Variants in ROR2 observed in about 807,000 individuals in gnomAD.
The protein encoded by ROR2 is ROR family WNT receptor 2.
A neutral mutation model predicts 74.9 loss-of-function variants in ROR2; 33 were observed. The observed-to-expected ratio is 0.44, with a 90% CI of 0.33 to 0.59. ROR2 has a LOEUF of 0.59. Ranked by LOEUF, ROR2 falls within the 20% of genes least tolerant of loss-of-function variation. The probability of loss-of-function intolerance (pLI) is 0.02; values close to 1 mark genes in which losing one functional copy is unlikely to be tolerated. For synonymous variants in ROR2, 586 were observed against 558.7 expected, an observed-to-expected ratio of 1.05 and a Z score of -0.69; for missense variants, 1,216 against 1,313.8, an observed-to-expected ratio of 0.93 and a Z score of 1.15.
intron 1 of ROR2, among the ~76,000 whole-genome samples, chr9:91,862,716 A>T (rs1829507409): frequency 6.6e-6 from 1 of 152,194 alleles, no homozygotes; most frequent in Admixed American, 6.5e-5. Context: ...ACCCTCCACC[A>T]TGTGAGGACA....
intron 4 of ROR2, among the ~76,000 whole-genome samples, chr9:91,747,350 C>T (rs775497407): frequency 2.0e-5 from 3 of 152,242 alleles, no homozygotes; most frequent in Non-Finnish European, 4.4e-5. Flanking sequence ...AAGCTTTAGT[C>T]CCACACATCA....
At chr9:91,848,992 A>G (rs570804778) in intron 1 of ROR2, among the ~76,000 whole-genome samples, 1 of 152,306 alleles carries the variant, frequency 6.6e-6, no homozygotes, top group South Asian at 2.1e-4. Flanking sequence ...CAGTGAGTCT[A>G]CAGGGAAACA....
rs770190188 is a variant in ROR2 at position 91,724,495 on chromosome 9, C to G, written c.1999G>C (p.Gly667Arg). ...ATGTCTGAGTCGATGGAGAACTTGCCGTACATGATGGCCTCTGGGGCCATC... is the reference window on the plus strand; with the variant it reads ...ATGTCTGAGTCGATGGAGAACTTGCGGTACATGATGGCCTCTGGGGCCATC... ...RWMAPEAIMYGKFSIDSDIWS... is the reference protein window; with the variant it reads ...RWMAPEAIMYRKFSIDSDIWS... The change falls in exon 9 of 9, where the codon GGC becomes CGC. Residue 667 changes from glycine to arginine, a missense_variant. Gly to Arg is a moderately radical substitution (Grantham distance 125, BLOSUM62 -2). Coordinates refer to ENST00000375708, the MANE Select transcript of ROR2 (RefSeq NM_004560.4). The G allele has an allele frequency of 6.2e-7, 1 of 1,614,190 alleles. No individual in the cohort carries two copies. Among genetic ancestry groups the G allele is most frequent in the South Asian group, 1.1e-5 (1 of 91,082 alleles).
At chr9:91,762,422 A>G (rs928646066) in intron 2 of ROR2, among the ~76,000 whole-genome samples, 2 of 152,202 alleles carry the variant, frequency 1.3e-5, no homozygotes, top group African/African-American at 4.8e-5. Flanking sequence ...TTCAAAATTC[A>G]TATCTCCCAT....
At chr9:91,795,475 A>C (rs1490699127) in intron 1 of ROR2, among the ~76,000 whole-genome samples, 1 of 152,220 alleles carries the variant, frequency 6.6e-6, no homozygotes, top group African/African-American at 2.4e-5. Flanking sequence ...TTTTTCTTTA[A>C]ACTAATGGAT....
intron 1 of ROR2, among the ~76,000 whole-genome samples, chr9:91,907,938 A>T (rs770332592): frequency 1.2e-4 from 18 of 152,196 alleles, no homozygotes; most frequent in Non-Finnish European, 2.5e-4. Flanking sequence ...GGCACAGGGC[A>T]AGGGGCCAGA....
Position 91,905,861 on chromosome 9 carries a change from TG to T in ROR2, c.97+44005del, listed in dbSNP as rs554272339. 2.0e-3 allele frequency among the ~76,000 whole-genome samples: 302 copies of T among 152,096 alleles called. 2 individuals are homozygous for T. Among genetic ancestry groups the T allele is most frequent in the Non-Finnish European group, 2.9e-3 (199 of 67,990 alleles). On this transcript the variant is annotated intron_variant, in intron 1 of 8. Transcript: ENST00000375708. This position sits in a 1 kb window ranked among gnomAD's most constrained non-coding sequence, Gnocchi z 5.3. ...TAAGAGCTAAGAGCAGAGCCTCTCC[TG>T]GGGAATTCTTGATCCCAGTGGAAGA... is the stretch of plus-strand genomic sequence containing the variant.
intron 1 of ROR2, among the ~76,000 whole-genome samples, chr9:91,946,289 C>T (rs1400334038): frequency 6.6e-6 from 1 of 152,186 alleles, no homozygotes; most frequent in Non-Finnish European, 1.5e-5. Flanking sequence ...CCACGGGGCT[C>T]CCAAAAAGGA....
chr9:91,924,428 T>C (rs564301485), intron 1 of ROR2, among the ~76,000 whole-genome samples: 6 of 152,322 alleles, frequency 3.9e-5, no homozygotes, highest in South Asian at 2.1e-4. Flanking sequence ...AGGCCCTCTA[T>C]GGGAATCACA....
chr9:91,926,784 C>A (rs527675353), intron 1 of ROR2, among the ~76,000 whole-genome samples: 2 of 151,988 alleles, frequency 1.3e-5, no homozygotes, highest in Admixed American at 1.3e-4. Context: ...AGGTCCCCAG[C>A]GTAGTCAAAT....
At chr9:91,897,653 A>T (rs993838488) in intron 1 of ROR2, among the ~76,000 whole-genome samples, 1 of 152,146 alleles carries the variant, frequency 6.6e-6, no homozygotes, top group Non-Finnish European at 1.5e-5. Context: ...GGAGCAGAAG[A>T]CAGGTGGGCT....
At chr9:91,737,026 AGAGT>A (rs954804133) in intron 5 of ROR2, among the ~76,000 whole-genome samples, 3 of 152,234 alleles carry the variant, frequency 2.0e-5, no homozygotes, top group African/African-American at 7.2e-5. Context: ...GAAGTCAAGC[AGAGT>A]GAGTGTGGGG....
intron 3 of ROR2, among the ~76,000 whole-genome samples, chr9:91,756,335 A>T (rs942011860): frequency 3.3e-5 from 5 of 151,822 alleles, no homozygotes; most frequent in African/African-American, 1.2e-4. Flanking sequence ...TGCTGTCCTT[A>T]CTCTCTCTCT....
intron 1 of ROR2, among the ~76,000 whole-genome samples, chr9:91,855,477 G>T (rs1396619413): frequency 4.6e-5 from 7 of 152,202 alleles, no homozygotes; most frequent in African/African-American, 1.7e-4. Context: ...GGCCGAGAAG[G>T]GAGGGGTGAA....
intron 1 of ROR2, among the ~76,000 whole-genome samples, chr9:91,891,252 C>CT (rs59835723): frequency 0.02 from 2,801 of 136,806 alleles, 88 homozygotes; most frequent in African/African-American, 0.063. Context: ...CTGTTCCTTT[C>CT]TTTTTTTTTT....
At chr9:91,741,224 C>T (rs1366191755) in intron 4 of ROR2, among the ~76,000 whole-genome samples, 1 of 151,576 alleles carries the variant, frequency 6.6e-6, no homozygotes, top group Admixed American at 6.6e-5. Flanking sequence ...CGCTTGAACC[C>T]GGGAGGCAGA....
chr9:91,867,201 G>A (rs529911390), intron 1 of ROR2, among the ~76,000 whole-genome samples: 1 of 152,316 alleles, frequency 6.6e-6, no homozygotes, highest in South Asian at 2.1e-4. Flanking sequence ...TCCAGAGGAG[G>A]CTTCCAGCTC....
intron 1 of ROR2, among the ~76,000 whole-genome samples, chr9:91,798,608 T>C (rs575895316): frequency 6.5e-5 from 8 of 122,768 alleles, no homozygotes; most frequent in African/African-American, 2.6e-4. Flanking sequence ...CTGGGCTCTG[T>C]GGGTGGGGAA....
Position 91,903,723 on chromosome 9 carries a change from T to C in ROR2, c.97+46144A>G, listed in dbSNP as rs934861295. Among the ~76,000 whole-genome samples the C allele has an allele frequency of 6.3e-4, 96 of 152,148 alleles. 1 individual carries two copies. The highest frequency in any genetic ancestry group is 3.1e-3 in the East Asian group (16 of 5,168). ...TCCCGGTGAGCATTCGACAACTCTGTAGACAAAGAGGAACAAAAACAAACG... is the reference window on the plus strand; with the variant it reads ...TCCCGGTGAGCATTCGACAACTCTGCAGACAAAGAGGAACAAAAACAAACG... On this transcript the variant is annotated intron_variant, in intron 1 of 8. Coordinates refer to ENST00000375708, the MANE Select transcript of ROR2 (RefSeq NM_004560.4).
Sources: allele counts gnomAD v4.1 joint callset (sites outside exome capture counted in the v4.1 genomes callset), GRCh38; gene constraint gnomAD v4.1.1; non-coding constraint Gnocchi (gnomAD v3.1); transcripts MANE v1.5; gene names NCBI Gene and HGNC (gene_info 2026-07-23, HGNC 2026-07-21).